ADD2: variants seen among roughly 807,000 people sequenced by gnomAD.
ADD2 encodes the protein beta-adducin.
A neutral mutation model predicts 83.0 loss-of-function variants in ADD2; 23 were observed. The observed-to-expected ratio is 0.28, with a 90% CI of 0.20 to 0.39. The LOEUF is 0.39. ADD2 is among the 10% of genes least tolerant of loss of function. The pLI, the probability that ADD2 is intolerant of heterozygous loss-of-function variation, is 1.00. For missense variants in ADD2, 758 were observed against 944.9 expected, an observed-to-expected ratio of 0.80 and a Z score of 2.59; for synonymous variants, 375 against 375.4, an observed-to-expected ratio of 1.00 and a Z score of 0.01.
chr2:70,706,364 CG>C lies in ADD2; in HGVS notation c.44del (p.Pro15ArgfsTer33). The C allele has an allele frequency of 6.2e-7, 1 of 1,611,778 alleles. No individual in the cohort carries two copies. ...TVPEAASPPP[P>X]QGQPYFDRFS... The stretch of plus-strand genomic sequence containing the variant: ...AGCGGTCAAAGTAAGGCTGCCCCTG[CG>C]GGGGCGGCGGCGAGGCAGCCTCGGG... On this transcript the variant is annotated frameshift_variant, in exon 3 of 16. Coordinates refer to ENST00000264436, the MANE Select transcript of ADD2 (RefSeq NM_001617.4). LOFTEE classifies it high-confidence loss of function. The surrounding 1 kb of genome is among the most constrained non-coding windows in gnomAD (Gnocchi z 5.0).
intron 5 of ADD2, 99 bp downstream of exon 5, chr2:70,696,146 C>G: frequency 6.8e-7 from 1 of 1,468,184 alleles, no homozygotes; most frequent in East Asian, 2.5e-5. Flanking sequence ...CCAAAGGTCA[C>G]CAGCAGTGCC....
At chr2:70,751,939 T>G (rs1245159453) in intron 1 of ADD2, among the ~76,000 whole-genome samples, 1 of 151,942 alleles carries the variant, frequency 6.6e-6, no homozygotes, top group Non-Finnish European at 1.5e-5. Flanking sequence ...AATACAAGAG[T>G]CGCCGCTTTT....
chr2:70,667,899 G>A (rs1339140395), intron 15 of ADD2, among the ~76,000 whole-genome samples: 1 of 152,156 alleles, frequency 6.6e-6, no homozygotes, highest in African/African-American at 2.4e-5. Context: ...GATTACAGGT[G>A]TGAGCCACCA....
chr2:70,754,662 C>T (rs540339501), intron 1 of ADD2, among the ~76,000 whole-genome samples: 33 of 152,234 alleles, frequency 2.2e-4, no homozygotes, highest in African/African-American at 7.9e-4. Context: ...GTGATCCACC[C>T]GACACCCACC....
chr2:70,687,968 C>T, intron 9 of ADD2, 56 bp downstream of exon 9: 1 of 1,402,108 alleles, frequency 7.1e-7, no homozygotes. Context: ...CACGTTTGCC[C>T]ACAGGCCCCT....
In ADD2 at chr2:70,695,604, A is replaced by G. The variant is rs1315442333; in HGVS notation, c.555+117T>C. 3 of 873,354 alleles carry G rather than the reference A, an allele frequency of 3.4e-6. No homozygotes were observed. In the African/African-American group the frequency reaches 4.9e-5, roughly 14 times the overall value. 54.1% of individuals were successfully genotyped at this position (873,354 alleles called of 1,614,324 possible). On this transcript the variant is annotated intron_variant, in intron 6 of 15. Coordinates refer to ENST00000264436, the MANE Select transcript of ADD2 (RefSeq NM_001617.4). ...TTCCATGTGTCTTCTCTGCCCTATCAGATTGTGAGCTCCACAGCGCAACAG... is the reference window on the plus strand; with the variant it reads ...TTCCATGTGTCTTCTCTGCCCTATCGGATTGTGAGCTCCACAGCGCAACAG...
At chr2:70,740,642 G>C (rs1227653816) in intron 1 of ADD2, among the ~76,000 whole-genome samples, 1 of 151,840 alleles carries the variant, frequency 6.6e-6, no homozygotes, top group Admixed American at 6.6e-5. Flanking sequence ...TTTTTTGTTT[G>C]TTTGTTTGCT....
At chr2:70,686,684 T>C (rs892966036) in intron 9 of ADD2, among the ~76,000 whole-genome samples, 1 of 152,122 alleles carries the variant, frequency 6.6e-6, no homozygotes, top group Non-Finnish European at 1.5e-5. Context: ...TCCCAGAGGC[T>C]CCACCAGATT....
At chr2:70,743,499 A>G (rs1301684816) in intron 1 of ADD2, among the ~76,000 whole-genome samples, 2 of 152,212 alleles carry the variant, frequency 1.3e-5, no homozygotes, top group Non-Finnish European at 2.9e-5. Context: ...CAGGTAATTT[A>G]TTAGGGACAA....
chr2:70,676,384 T>C lies in ADD2; in HGVS notation c.1593+412A>G, dbSNP rs370728758. The stretch of plus-strand genomic sequence containing the variant: ...ATGATCATCTTTCCAGAGCTCTGGT[T>C]GGATGATGTCATACCAGGCTCAGAG... On this transcript the variant is annotated intron_variant, in intron 13 of 15. Transcript: ENST00000264436. The surrounding 1 kb of genome is among the most constrained non-coding windows in gnomAD (Gnocchi z 4.8). 334 of 1,121,060 alleles carry C rather than the reference T, an allele frequency of 3.0e-4. No homozygotes were observed. The African/African-American group carries it at 4.9e-3, about 16-fold the overall frequency. The allele number at this position is 1,121,060 out of a possible 1,614,324, so 69.4% of individuals were successfully genotyped here.
At chr2:70,767,232 G>C (rs1474251711) in intron 1 of ADD2, 1 of 152,706 alleles carries the variant, frequency 6.5e-6, no homozygotes, top group Non-Finnish European at 1.5e-5. Context: ...GAGGGAAGAT[G>C]GAAGAAACAG....
rs1162007292 is a variant in ADD2, at chr2:70,726,410, C to T, written c.-153-13226G>A. The stretch of plus-strand genomic sequence containing the variant: ...TTGTCCCTGGGATCAATCAATGCTT[C>T]TGAATTGAATAGCAGCTCACCCAGG... On this transcript the variant is annotated intron_variant, in intron 1 of 15. Transcript: ENST00000264436. Among the ~76,000 whole-genome samples, 3 of 152,120 alleles carry T rather than the reference C, an allele frequency of 2.0e-5. No homozygotes were observed. The East Asian group carries it at 5.8e-4, about 29-fold the overall frequency.
Position 70,660,319 on chromosome 2 carries a change from C to T in ADD2, c.*3106G>A, listed in dbSNP as rs919329192. 5 of 152,154 alleles carry T rather than the reference C, an allele frequency of 3.3e-5. No individual in the cohort carries two copies. The highest frequency in any genetic ancestry group is 7.3e-5 in the Non-Finnish European group (5 of 68,040). The allele number at this position is 152,154 out of a possible 1,614,324, so 9.4% of individuals were successfully genotyped here. A position where few individuals can be genotyped will look rare whatever the true frequency, so the allele number is the denominator to read the frequency against. On this transcript the variant is annotated 3_prime_UTR_variant, in exon 16 of 16. Coordinates refer to ENST00000264436, the MANE Select transcript of ADD2 (RefSeq NM_001617.4). ...GAAAATCCCTCTTAAGGTGCTTTAT[C>T]CAAAGACTTTTATGGAAATAAATTT...
At chr2:70,692,055 A>G (rs1233475054) in intron 7 of ADD2, among the ~76,000 whole-genome samples, 1 of 152,182 alleles carries the variant, frequency 6.6e-6, no homozygotes, top group East Asian at 1.9e-4. Context: ...CCAGGTTCCC[A>G]CTAACTGGTT....
intron 15 of ADD2, among the ~76,000 whole-genome samples, chr2:70,663,998 T>C (rs1382455564): frequency 6.6e-6 from 1 of 152,110 alleles, no homozygotes; most frequent in Non-Finnish European, 1.5e-5. Flanking sequence ...TGGATATTAA[T>C]GTCTGAAGTG....
At chr2:70,738,751 C>CA (rs1673717855) in intron 1 of ADD2, among the ~76,000 whole-genome samples, 1 of 152,168 alleles carries the variant, frequency 6.6e-6, no homozygotes, top group Admixed American at 6.5e-5. Context: ...GGGAGTCAGA[C>CA]AAAATCCACC....
intron 1 of ADD2, among the ~76,000 whole-genome samples, chr2:70,740,697 TTTTTA>T (rs1196068115): frequency 5.3e-5 from 8 of 152,036 alleles, no homozygotes; most frequent in Non-Finnish European, 1.2e-4. Context: ...TTTATTTTTA[TTTTTA>T]TTTATTTATT....
chr2:70,673,860 G>C (rs1284012975), intron 14 of ADD2, among the ~76,000 whole-genome samples: 1 of 152,004 alleles, frequency 6.6e-6, no homozygotes, highest in Admixed American at 6.5e-5. Flanking sequence ...GCCTCCCAAC[G>C]TGCTGGGATT....
chr2:70,672,818 C>A (rs1180340476), intron 15 of ADD2, 60 bp downstream of exon 15: 2 of 1,535,606 alleles, frequency 1.3e-6, no homozygotes, highest in South Asian at 2.5e-5. Context: ...AGGCAGGGCA[C>A]CTTCCCAGCC....
Sources: gnomAD v4.1 joint callset for allele counts (sites outside exome capture counted in the v4.1 genomes callset) on GRCh38, gnomAD v4.1.1 for gene constraint, Gnocchi (gnomAD v3.1) non-coding constraint, MANE v1.5 for transcripts, NCBI Gene and HGNC (gene_info 2026-07-23, HGNC 2026-07-21) for gene names.